Variants in NAPEPLD observed in about 807,000 individuals in gnomAD.
NAPEPLD encodes the protein N-acyl phosphatidylethanolamine phospholipase D, also known as N-acyl-phosphatidylethanolamine-hydrolyzing phospholipase D.
A neutral mutation model predicts 38.1 loss-of-function variants in NAPEPLD; 23 were observed. The ratio of observed to expected loss-of-function variants is 0.60; its 90% CI spans 0.43 to 0.86. NAPEPLD has a LOEUF of 0.86. Ranked by LOEUF, NAPEPLD falls within the 40% of genes least tolerant of loss-of-function variation. The pLI is 0.00. For missense variants in NAPEPLD, 411 were observed against 476.8 expected, an observed-to-expected ratio of 0.86 and a Z score of 1.28; for synonymous variants, 147 against 162.0, an observed-to-expected ratio of 0.91 and a Z score of 0.71.
At position 103,128,565 on chromosome 7, in the gene NAPEPLD, G is replaced by A; in HGVS notation, c.212C>T (p.Thr71Ile). The A allele has an allele frequency of 2.5e-6, 4 of 1,614,184 alleles. No homozygotes were observed. The highest frequency in any genetic ancestry group is 2.2e-5 in the South Asian group (2 of 91,078). ...ATTTGGAATAGAGGGGTTTTTCCAT[G>A]TTGGCCACGGATTCACAAATCTCCC... ...KDGRFVNPWP[T>I]WKNPSIPNVL... Residue 71 changes from threonine (T) to isoleucine (I), a missense_variant, in exon 2 of 5, where the codon ACA (threonine) becomes ATA (isoleucine). By Grantham distance (89) the Thr-to-Ile change is moderately conservative (BLOSUM62 -1). Transcript: ENST00000465647.
rs1279917628 is a variant in NAPEPLD at position 103,102,622 on chromosome 7, T to C, written c.*807A>G. On this transcript the variant is annotated 3_prime_UTR_variant, in exon 5 of 5. Transcript: ENST00000465647. ...TGGCCTCCCAAAGTAAGAGGTCTTT[T>C]GGGAATTGTAGACGTGCAATAGAAT... is the stretch of plus-strand genomic sequence containing the variant. 1 of 152,150 alleles carries C rather than the reference T, an allele frequency of 6.6e-6. No homozygotes were observed. The allele number at this position is 152,150 out of a possible 1,614,324, so 9.4% of individuals were successfully genotyped here. A position where few individuals can be genotyped will look rare whatever the true frequency, so the allele number is the denominator to read the frequency against.
Position 103,134,548 on chromosome 7 carries a change from G to A in NAPEPLD, c.-16-5756C>T, listed in dbSNP as rs150433517. Among the ~76,000 whole-genome samples, 1,032 of 152,206 alleles carry A rather than the reference G, an allele frequency of 6.8e-3. 22 individuals carry two copies. The highest frequency in any genetic ancestry group is 0.023 in the African/African-American group (974 of 41,510). On this transcript the variant is annotated intron_variant, in intron 1 of 4. Coordinates refer to ENST00000465647, the MANE Select transcript of NAPEPLD (RefSeq NM_001122838.3). ...GCCTGTAGTCCCAGCTACTCAGGAG[G>A]CTAAGGCAGGAAAATCACTTGAACC...
In NAPEPLD at chr7:103,100,634, A is replaced by G. The variant is rs1011293631; in HGVS notation, c.*2795T>C. 2.0e-5 allele frequency: 3 copies of G among 152,248 alleles called. No individual in the cohort carries two copies. The highest frequency in any genetic ancestry group is 2.1e-4 in the South Asian group (1 of 4,832). The allele number at this position is 152,248 out of a possible 1,614,324, so 9.4% of individuals were successfully genotyped here. A position where few individuals can be genotyped will look rare whatever the true frequency, so the allele number is the denominator to read the frequency against. ...CTTCAATAAAATCTTACATATTGCT[A>G]TGGGTATTCACGAAGAGGAAAATGA... On this transcript the variant is annotated 3_prime_UTR_variant, in exon 5 of 5. Coordinates refer to ENST00000465647, the MANE Select transcript of NAPEPLD (RefSeq NM_001122838.3).
chr7:103,113,644 TTCTC>T (rs778805574), intron 4 of NAPEPLD, among the ~76,000 whole-genome samples: 1 of 8,976 alleles, frequency 1.1e-4, no homozygotes, highest in African/African-American at 1.3e-4. Flanking sequence ...TTTTTTTTTT[TTCTC>T]AAGACAGAGT....
At chr7:103,106,560 T>C (rs1010245613) in intron 4 of NAPEPLD, among the ~76,000 whole-genome samples, 3 of 151,918 alleles carry the variant, frequency 2.0e-5, no homozygotes, top group Non-Finnish European at 4.4e-5. Context: ...TTGAGCTTGG[T>C]AGGGGGAGGG....
At chr7:103,126,445 T>C (rs1807810191) in intron 2 of NAPEPLD, among the ~76,000 whole-genome samples, 1 of 152,224 alleles carries the variant, frequency 6.6e-6, no homozygotes. Flanking sequence ...TTAATGCCTA[T>C]GTGCCAATGG....
rs191295974 is a variant in NAPEPLD at position 103,100,141 on chromosome 7, A to C, written c.*3288T>G. 66 of 152,344 alleles carry C rather than the reference A, an allele frequency of 4.3e-4. No homozygotes were observed. The highest frequency in any genetic ancestry group is 8.8e-4 in the Non-Finnish European group (60 of 68,032). 9.4% of individuals were successfully genotyped at this position (152,344 alleles called of 1,614,324 possible). On this transcript the variant is annotated 3_prime_UTR_variant, in exon 5 of 5. Coordinates refer to ENST00000465647, the MANE Select transcript of NAPEPLD (RefSeq NM_001122838.3). ...AACTTGGAAGAAATATTTTTACATT[A>C]GAAAAAGGACTCAGTATAAGGTGAA...
chr7:103,102,192 AAG>A lies in NAPEPLD; in HGVS notation c.*1235_*1236del, dbSNP rs1211311377. 1 of 152,212 alleles carries A rather than the reference AAG, an allele frequency of 6.6e-6. No homozygotes were observed. Among genetic ancestry groups the A allele is most frequent in the Non-Finnish European group, 1.5e-5 (1 of 68,042 alleles). The allele number at this position is 152,212 out of a possible 1,614,324, so 9.4% of individuals were successfully genotyped here. On this transcript the variant is annotated 3_prime_UTR_variant, in exon 5 of 5. Transcript: ENST00000465647. The stretch of plus-strand genomic sequence containing the variant: ...GAAAATTAAAAACAAATTTAATTCA[AAG>A]AATATGGTCTATTAACATTTTGTCT...
At chr7:103,114,956 G>C in intron 4 of NAPEPLD, 104 bp downstream of exon 4, 1 of 772,390 alleles carries the variant, frequency 1.3e-6, no homozygotes, top group Non-Finnish European at 2.2e-6. Flanking sequence ...TGACTGTGCA[G>C]TATCTGATTC....
At chr7:103,105,626 A>G (rs1009040763) in intron 4 of NAPEPLD, among the ~76,000 whole-genome samples, 2 of 152,228 alleles carry the variant, frequency 1.3e-5, no homozygotes, top group Non-Finnish European at 2.9e-5. Context: ...AACAGCATAT[A>G]TGCAAAGAGT....
intron 3 of NAPEPLD, among the ~76,000 whole-genome samples, chr7:103,118,025 A>G (rs1805902167): frequency 6.6e-6 from 1 of 152,072 alleles, no homozygotes; most frequent in Non-Finnish European, 1.5e-5. Flanking sequence ...TCTACTAAAA[A>G]CACACATAAA....
chr7:103,121,858 A>G (rs1806764869), intron 2 of NAPEPLD, among the ~76,000 whole-genome samples: 1 of 152,192 alleles, frequency 6.6e-6, no homozygotes, highest in Admixed American at 6.5e-5. Flanking sequence ...GAAGGAATGA[A>G]GAGCCCAGTT....
intron 4 of NAPEPLD, among the ~76,000 whole-genome samples, chr7:103,106,280 C>T (rs1803319419): frequency 6.6e-6 from 1 of 152,164 alleles, no homozygotes; most frequent in Non-Finnish European, 1.5e-5. Context: ...GTGCCTGCCC[C>T]ACCAGGGCCC....
intron 4 of NAPEPLD, among the ~76,000 whole-genome samples, chr7:103,113,966 T>C (rs888051690): frequency 2.1e-4 from 31 of 149,460 alleles, no homozygotes; most frequent in Admixed American, 7.4e-4. Flanking sequence ...TGGCACAATC[T>C]CGACTTACTG....
chr7:103,134,867 A>G (rs1234394515), intron 1 of NAPEPLD, among the ~76,000 whole-genome samples: 1 of 152,176 alleles, frequency 6.6e-6, no homozygotes, highest in Non-Finnish European at 1.5e-5. Flanking sequence ...AAGTACAAAT[A>G]TTTTCTCTCA....
At chr7:103,107,739 T>C (rs931782698) in intron 4 of NAPEPLD, among the ~76,000 whole-genome samples, 1 of 101,410 alleles carries the variant, frequency 9.9e-6, no homozygotes, top group African/African-American at 3.8e-5. Context: ...CTCCAAGAAA[T>C]ATGTGACTAT....
chr7:103,144,485 C>A lies in NAPEPLD; in HGVS notation c.-17+4326G>T, dbSNP rs118108038. Among the ~76,000 whole-genome samples the A allele has an allele frequency of 1.5e-3, 226 of 152,230 alleles. 6 individuals are homozygous for A. The East Asian group carries it at 0.041, about 27-fold the overall frequency. On this transcript the variant is annotated intron_variant, in intron 1 of 4. Transcript: ENST00000465647. ...CAGTTACATTGAAAAGAACCATCAA[C>A]AAATAATTGGTTCTGTATTTTAGTC...
At chr7:103,120,542 G>C (rs1473791099) in intron 2 of NAPEPLD, among the ~76,000 whole-genome samples, 1 of 152,004 alleles carries the variant, frequency 6.6e-6, no homozygotes, top group Non-Finnish European at 1.5e-5. Context: ...GACTGGCCTA[G>C]ATGCAGTCAT....
chr7:103,112,616 TA>T (rs1292945242), intron 4 of NAPEPLD, among the ~76,000 whole-genome samples: 1 of 151,742 alleles, frequency 6.6e-6, no homozygotes, highest in Non-Finnish European at 1.5e-5. Context: ...GGTGGGGGGC[TA>T]CGGGAGGGAT....
Sources: allele counts gnomAD v4.1 joint callset (sites outside exome capture counted in the v4.1 genomes callset), GRCh38; gene constraint gnomAD v4.1.1; transcripts MANE v1.5; gene names NCBI Gene and HGNC (gene_info 2026-07-23, HGNC 2026-07-21).